ACTL6A: variants seen among roughly 807,000 people sequenced by gnomAD.
The protein encoded by ACTL6A is actin-like protein 6A.
A neutral mutation model predicts 59.2 loss-of-function variants in ACTL6A; 5 were observed. The ratio of observed to expected loss-of-function variants is 0.08; its 90% confidence interval spans 0.04 to 0.18. ACTL6A has a LOEUF of 0.18. Among genes scored for constraint, ACTL6A ranks in the 10% least tolerant of loss-of-function variants. The pLI is 1.00. For missense variants in ACTL6A, 285 were observed against 526.9 expected (o/e 0.54, Z 4.49); for synonymous variants, 154 against 171.8 (o/e 0.90, Z 0.81).
At position 179,587,942 on chromosome 3, in the gene ACTL6A, C is replaced by A; in HGVS notation, c.1222C>A (p.Gln408Lys). The part of the protein sequence containing the change: ...SILASLGTFQ[Q>K]MWISKQEYEE... ...TTCCATTTTACAGGGTACCTTTCAA[C>A]AGATGTGGATTTCCAAGCAAGAATA... Residue 408 changes from glutamine to lysine, a missense_variant, in exon 14 of 14, where the codon CAG becomes AAG. Coordinates refer to ENST00000429709, the MANE Select transcript of ACTL6A (RefSeq NM_004301.5). The A allele has an allele frequency of 6.2e-7, 1 of 1,605,656 alleles. No individual in the cohort carries two copies. The highest frequency in any genetic ancestry group is 8.5e-7 in the Non-Finnish European group (1 of 1,177,794).
chr3:179,568,145 C>CT (rs1717894063), intron 1 of ACTL6A, among the ~76,000 whole-genome samples: 1 of 144,560 alleles, frequency 6.9e-6, no homozygotes, highest in African/African-American at 2.6e-5. Flanking sequence ...GCACTCCAGC[C>CT]TGGGCAGCAA....
At chr3:179,572,235 G>A (rs887443369) in intron 3 of ACTL6A, among the ~76,000 whole-genome samples, 6 of 151,870 alleles carry the variant, frequency 4.0e-5, no homozygotes, top group Admixed American at 3.3e-4. Flanking sequence ...AATTAGGGAT[G>A]TAGGAAAAAA....
intron 5 of ACTL6A, chr3:179,575,462 G>C: frequency 2.2e-6 from 1 of 456,616 alleles, no homozygotes; most frequent in Non-Finnish European, 4.4e-6. Flanking sequence ...CAGTTTTGGT[G>C]CACCATTGTG....
At chr3:179,566,060 C>G (rs1297828163) in intron 1 of ACTL6A, among the ~76,000 whole-genome samples, 1 of 152,152 alleles carries the variant, frequency 6.6e-6, no homozygotes, top group Non-Finnish European at 1.5e-5. Flanking sequence ...TGGAGGTGTT[C>G]ACAAAAACTC....
At chr3:179,576,076 C>G in intron 5 of ACTL6A, 141 bp from the exon 6 acceptor site, 1 of 597,936 alleles carries the variant, frequency 1.7e-6, no homozygotes, top group East Asian at 3.2e-5. Context: ...AATTTTTATC[C>G]CTAGATTCAC....
Position 179,569,995 on chromosome 3 carries a change from T to C in ACTL6A, c.103-72T>C, listed in dbSNP as rs1029141076. On this transcript the variant is annotated intron_variant, in intron 2 of 13. Transcript: ENST00000429709. ...TGATTCAAAACAAAATATAATAAAA[T>C]ACATTAATTGGGGAAAAAATGCCTT... 99 of 1,576,756 alleles carry C rather than the reference T, an allele frequency of 6.3e-5. No homozygotes were observed. The Middle Eastern group carries it at 1.0e-3, about 16-fold the overall frequency.
intron 1 of ACTL6A, among the ~76,000 whole-genome samples, chr3:179,566,753 G>A (rs1256387829): frequency 1.3e-5 from 2 of 152,096 alleles, no homozygotes; most frequent in African/African-American, 2.4e-5. Context: ...GCAGTAGCAC[G>A]ATCTCAGCTC....
chr3:179,581,303 A>G (rs2108367852), intron 11 of ACTL6A, 83 bp downstream of exon 11: 1 of 1,117,874 alleles, frequency 8.9e-7, no homozygotes. Flanking sequence ...GTTGACAGTG[A>G]TCTAATGGTT....
intron 13 of ACTL6A, 126 bp from the exon 14 acceptor site, chr3:179,587,804 A>G: frequency 1.5e-6 from 1 of 670,320 alleles, no homozygotes; most frequent in Non-Finnish European, 2.5e-6. Flanking sequence ...GTTGTAAGCT[A>G]CAATCACGCC....
chr3:179,568,091 G>T (rs945078601), intron 1 of ACTL6A, among the ~76,000 whole-genome samples: 2 of 149,398 alleles, frequency 1.3e-5, no homozygotes, highest in Non-Finnish European at 3.0e-5. Context: ...AAAATCTGTT[G>T]AACCTGGGAG....
At chr3:179,582,532 G>A (rs547459698) in intron 11 of ACTL6A, among the ~76,000 whole-genome samples, 9 of 152,292 alleles carry the variant, frequency 5.9e-5, no homozygotes, top group Non-Finnish European at 7.3e-5. Context: ...TAATTTTGGC[G>A]AGGAATATGT....
chr3:179,578,397 T>C (rs1718233515), intron 8 of ACTL6A, among the ~76,000 whole-genome samples: 1 of 152,100 alleles, frequency 6.6e-6, no homozygotes, highest in Non-Finnish European at 1.5e-5. Context: ...GATGTTGCAG[T>C]GAGCCAACAC....
chr3:179,585,824 T>G (rs1718472015), intron 12 of ACTL6A, among the ~76,000 whole-genome samples: 1 of 152,190 alleles, frequency 6.6e-6, no homozygotes, highest in Non-Finnish European at 1.5e-5. Flanking sequence ...AATAAAATTG[T>G]GTTATCAAGA....
At chr3:179,573,274 G>A in intron 3 of ACTL6A, 95 bp from the exon 4 acceptor site, 1 of 749,878 alleles carries the variant, frequency 1.3e-6, no homozygotes, top group Non-Finnish European at 2.1e-6. Context: ...GTATACTAAA[G>A]TATTAATTGT....
At chr3:179,584,231 G>T (rs755158169) in intron 12 of ACTL6A, 1 of 152,036 alleles carries the variant, frequency 6.6e-6, no homozygotes, top group African/African-American at 2.4e-5. Context: ...AAGATCAGTG[G>T]GTATATTATA....
chr3:179,581,299 A>C, intron 11 of ACTL6A, 79 bp downstream of exon 11: 3 of 1,173,852 alleles, frequency 2.6e-6, no homozygotes, highest in Non-Finnish European at 3.8e-6. Context: ...TTAGGTTGAC[A>C]GTGATCTAAT....
At chr3:179,581,344 A>G (rs1576857265) in intron 11 of ACTL6A, 124 bp downstream of exon 11, 1 of 788,794 alleles carries the variant, frequency 1.3e-6, no homozygotes, top group Non-Finnish European at 2.2e-6. Context: ...GGTTCATTTT[A>G]TAACAGTATA....
Position 179,570,009 on chromosome 3 carries a change from A to G in ACTL6A, c.103-58A>G, listed in dbSNP as rs1576849802. On this transcript the variant is annotated intron_variant, in intron 2 of 13. Transcript: ENST00000429709. The surrounding 1 kb of genome is among the most constrained non-coding windows in gnomAD (Gnocchi z 4.3). ...ATATAATAAAATACATTAATTGGGG[A>G]AAAAATGCCTTCTTGATGAAAGGTG... The G allele has an allele frequency of 7.0e-6, 11 of 1,580,744 alleles. No homozygotes were observed. Among genetic ancestry groups the G allele is most frequent in the African/African-American group, 1.4e-5 (1 of 73,298 alleles).
At chr3:179,575,515 T>C (rs1718141785) in intron 5 of ACTL6A, 1 of 448,886 alleles carries the variant, frequency 2.2e-6, no homozygotes, top group Non-Finnish European at 4.5e-6. Context: ...GTGAGCAGCC[T>C]CCCTCCTTCC....
Sources: gnomAD v4.1 joint callset for allele counts (sites outside exome capture counted in the v4.1 genomes callset) on GRCh38, gnomAD v4.1.1 for gene constraint, Gnocchi (gnomAD v3.1) non-coding constraint, MANE v1.5 for transcripts, NCBI Gene and HGNC (gene_info 2026-07-23, HGNC 2026-07-21) for gene names.